The following TRPM6 variants were observed in gnomAD, a reference collection of about 807,000 sequenced individuals.
The protein encoded by TRPM6 is transient receptor potential cation channel subfamily M member 6, also known as channel kinase 2.
In TRPM6, 111 loss-of-function variants were observed where a neutral mutation model predicts 247.6. The observed-to-expected ratio is 0.45, with a 90% CI of 0.38 to 0.52. The LOEUF (loss-of-function observed/expected upper bound fraction) is 0.52, where lower values mean the gene tolerates loss of function less well. Among genes scored for constraint, TRPM6 ranks in the 20% least tolerant of loss-of-function variants. TRPM6 has a pLI of 0.00. For synonymous variants in TRPM6, 892 were observed against 853.8 expected (o/e 1.04, Z -0.78); for missense variants, 2,126 against 2,421.5 (o/e 0.88, Z 2.56).
intron 1 of TRPM6, among the ~76,000 whole-genome samples, chr9:74,884,096 C>T (rs1831450471): frequency 6.6e-6 from 1 of 151,962 alleles, no homozygotes; most frequent in South Asian, 2.1e-4. Flanking sequence ...TTGTGGTGAG[C>T]CAAGATTGTG....
At chr9:74,779,471 T>C (rs982336746) in intron 23 of TRPM6, among the ~76,000 whole-genome samples, 11 of 152,246 alleles carry the variant, frequency 7.2e-5, no homozygotes, top group Non-Finnish European at 1.6e-4. Context: ...CACTTTTTTT[T>C]TAAAAGAATT....
intron 19 of TRPM6, among the ~76,000 whole-genome samples, chr9:74,789,272 A>G (rs1827807238): frequency 6.6e-6 from 1 of 152,172 alleles, no homozygotes; most frequent in Non-Finnish European, 1.5e-5. Context: ...TTAATTAAGG[A>G]CCGTTTGTCA....
At chr9:74,849,715 T>G (rs1830234275) in intron 3 of TRPM6, among the ~76,000 whole-genome samples, 1 of 152,192 alleles carries the variant, frequency 6.6e-6, no homozygotes. Context: ...AGAGCTGAAG[T>G]GCAGGCAGCC....
intron 7 of TRPM6, among the ~76,000 whole-genome samples, chr9:74,822,222 C>A (rs1829154922): frequency 6.6e-6 from 1 of 152,114 alleles, no homozygotes; most frequent in African/African-American, 2.4e-5. Flanking sequence ...CAACCTTAAC[C>A]AGTTCAACAA....
chr9:74,773,893 C>T (rs1048617088), intron 24 of TRPM6, among the ~76,000 whole-genome samples: 3 of 152,148 alleles, frequency 2.0e-5, no homozygotes, highest in East Asian at 1.9e-4. Flanking sequence ...TGAAAAGATT[C>T]GGTATCTCCC....
chr9:74,812,474 A>T (rs769119585), intron 11 of TRPM6, 41 bp from the exon 12 acceptor site: 3 of 1,573,190 alleles, frequency 1.9e-6, no homozygotes, highest in South Asian at 1.1e-5. Flanking sequence ...ACAATTAAGA[A>T]AGTAGAAATA....
chr9:74,839,024 C>T (rs773911984), intron 5 of TRPM6, among the ~76,000 whole-genome samples: 23 of 151,144 alleles, frequency 1.5e-4, no homozygotes, highest in Non-Finnish European at 2.9e-4. Flanking sequence ...GCAGGAGAAT[C>T]GCTTGAACCT....
intron 24 of TRPM6, among the ~76,000 whole-genome samples, chr9:74,775,518 A>G (rs1306471133): frequency 1.3e-5 from 2 of 152,078 alleles, no homozygotes; most frequent in Non-Finnish European, 2.9e-5. Flanking sequence ...TCTGAATTCC[A>G]TCTTCCACAA....
In TRPM6 at chr9:74,804,792, C is replaced by T. The variant is rs118117582; in HGVS notation, c.1639-906G>A. On this transcript the variant is annotated intron_variant, in intron 14 of 38. Transcript: ENST00000360774. ...GTCTTAAGCTGCCCTTGCACGGGCT[C>T]GTAAGCAACATGGAAATAAGCTTAA... 2,469 of 656,410 alleles carry T rather than the reference C, an allele frequency of 3.8e-3. 14 individuals are homozygous for T. The highest frequency in any genetic ancestry group is 5.6e-3 in the Non-Finnish European group (2,026 of 364,224). 40.7% of individuals were successfully genotyped at this position (656,410 alleles called of 1,614,324 possible).
chr9:74,866,656 T>G (rs886563237), intron 1 of TRPM6, among the ~76,000 whole-genome samples: 1 of 152,048 alleles, frequency 6.6e-6, no homozygotes, highest in African/African-American at 2.4e-5. Context: ...TAATTTTGTA[T>G]TTTCAGTAGA....
chr9:74,739,342 G>C, intron 35 of TRPM6, 25 bp downstream of exon 35: 3 of 1,602,842 alleles, frequency 1.9e-6, no homozygotes, highest in African/African-American at 1.3e-5. Flanking sequence ...TGAAACAAAG[G>C]GCCAAGGTGC....
At chr9:74,872,632 G>A (rs1182704782) in intron 1 of TRPM6, among the ~76,000 whole-genome samples, 4 of 148,322 alleles carry the variant, frequency 2.7e-5, no homozygotes, top group African/African-American at 1.0e-4. Flanking sequence ...GTGCATGCGC[G>A]CACGTGTGTA....
rs1028203287 is a variant in TRPM6, at chr9:74,724,390, G to A, written c.*223C>T. 1.3e-5 allele frequency: 8 copies of A among 596,734 alleles called. No individual in the cohort carries two copies. The highest frequency in any genetic ancestry group is 1.3e-4 in the African/African-American group (7 of 53,696). 37.0% of individuals were successfully genotyped at this position (596,734 alleles called of 1,614,324 possible). A position where few individuals can be genotyped will look rare whatever the true frequency, so the allele number is the denominator to read the frequency against. ...CTGACTCATCCAAGCATCTTCGTGT[G>A]GAACTTGAGGATGGAGCTGCAAAGT... On this transcript the variant is annotated 3_prime_UTR_variant, in exon 39 of 39. Transcript: ENST00000360774.
rs1363690390 is a variant in TRPM6 at position 74,840,319 on chromosome 9, C to G, written c.331-82G>C. The G allele has an allele frequency of 4.0e-6, 4 of 1,006,576 alleles. No homozygotes were observed. The African/African-American group carries it at 6.4e-5, about 16-fold the overall frequency. 62.4% of individuals were successfully genotyped at this position (1,006,576 alleles called of 1,614,324 possible). ...CAGAAACAATGAGCACACAGCAGGG[C>G]AACTGAAATGGCCAAAATCTAAAAG... On this transcript the variant is annotated intron_variant, in intron 4 of 38. Transcript: ENST00000360774.
At chr9:74,759,806 G>A (rs1826559091) in intron 27 of TRPM6, among the ~76,000 whole-genome samples, 2 of 151,718 alleles carry the variant, frequency 1.3e-5, no homozygotes, top group African/African-American at 4.8e-5. Flanking sequence ...TTCAAAGGAC[G>A]TTTACGAAAA....
intron 36 of TRPM6, among the ~76,000 whole-genome samples, chr9:74,734,161 T>C (rs996887297): frequency 1.3e-5 from 2 of 152,216 alleles, no homozygotes; most frequent in African/African-American, 2.4e-5. Flanking sequence ...TTTCCACTGA[T>C]GGAAATGTTC....
At chr9:74,818,942 T>G (rs1301368399) in intron 9 of TRPM6, among the ~76,000 whole-genome samples, 1 of 152,038 alleles carries the variant, frequency 6.6e-6, no homozygotes, top group African/African-American at 2.4e-5. Flanking sequence ...TCTAGAAAGA[T>G]CACCTTGAAT....
rs571406384 is a variant in TRPM6, at chr9:74,785,553, C to T, written c.2919+321G>A. On this transcript the variant is annotated intron_variant, in intron 21 of 38. Transcript: ENST00000360774. ...ACCTTTTTTTTTTGAGATGGAGTCT[C>T]GCTCTGTCGCTCAAGCTGGAGTGCA... 7.8e-4 allele frequency among the ~76,000 whole-genome samples: 119 copies of T among 151,994 alleles called. 1 individual carries two copies. Among genetic ancestry groups the T allele is most frequent in the African/African-American group, 2.3e-3 (95 of 41,456 alleles).
intron 37 of TRPM6, among the ~76,000 whole-genome samples, chr9:74,730,968 C>G (rs1459970357): frequency 6.6e-6 from 1 of 152,136 alleles, no homozygotes; most frequent in Non-Finnish European, 1.5e-5. Context: ...GTTTCTCAAC[C>G]CTGGTTGCCC....
Sources: gnomAD v4.1 joint callset for allele counts (sites outside exome capture counted in the v4.1 genomes callset) on GRCh38, gnomAD v4.1.1 for gene constraint, MANE v1.5 for transcripts, NCBI Gene and HGNC (gene_info 2026-07-23, HGNC 2026-07-21) for gene names.